The following SSUH2 variants were observed in gnomAD, a reference collection of about 807,000 sequenced individuals.
The protein encoded by SSUH2 is ssu-2 homolog.
A neutral mutation model predicts 55.3 loss-of-function variants in SSUH2; 47 were observed. That is an observed-to-expected ratio of 0.85 (90% CI 0.67 to 1.08). The LOEUF is 1.08. Ranked by LOEUF, SSUH2 falls within the 50% of genes least tolerant of loss-of-function variation. The pLI, the probability that SSUH2 is intolerant of heterozygous loss-of-function variation, is 0.00. For missense variants in SSUH2, 535 were observed against 490.7 expected, an observed-to-expected ratio of 1.09 and a Z score of -0.85; for synonymous variants, 212 against 191.5, an observed-to-expected ratio of 1.11 and a Z score of -0.89.
intron 7 of SSUH2, among the ~76,000 whole-genome samples, chr3:8,653,804 G>A (rs142507466): frequency 4.6e-5 from 7 of 152,208 alleles, no homozygotes; most frequent in East Asian, 1.9e-4. Flanking sequence ...AAATGTACCC[G>A]TGTGACCAAA....
chr3:8,663,536 C>A (rs768417632), intron 6 of SSUH2, among the ~76,000 whole-genome samples: 38 of 129,976 alleles, frequency 2.9e-4, no homozygotes, highest in African/African-American at 1.0e-3. Flanking sequence ...GGTTGGCAGT[C>A]GGGGTCAGGT....
At chr3:8,681,162 G>T (rs1373148963) in intron 1 of SSUH2, among the ~76,000 whole-genome samples, 1 of 133,582 alleles carries the variant, frequency 7.5e-6, no homozygotes, top group Non-Finnish European at 1.6e-5. Context: ...TTCCATAGCA[G>T]GGGGGGGAGT....
intron 5 of SSUH2, chr3:8,663,933 T>C (rs1703737415): frequency 4.6e-6 from 2 of 430,724 alleles, no homozygotes; most frequent in Non-Finnish European, 9.4e-6. Context: ...AAAAATATTT[T>C]CCTTGGTTAG....
chr3:8,650,881 G>A (rs1266958190), intron 7 of SSUH2, among the ~76,000 whole-genome samples: 6 of 152,216 alleles, frequency 3.9e-5, no homozygotes. Context: ...ACTAAAACCA[G>A]TTTCTGTGGT....
At chr3:8,630,140 A>T (rs1185630615) in intron 6 of SSUH2, among the ~76,000 whole-genome samples, 1 of 152,232 alleles carries the variant, frequency 6.6e-6, no homozygotes, top group Non-Finnish European at 1.5e-5. Context: ...TTTAATCACT[A>T]ATTTAAAATA....
Position 8,635,229 on chromosome 3 carries a change from G to T in SSUH2, c.209+71C>A, listed in dbSNP as rs1452853586. 5.3e-6 allele frequency: 7 copies of T among 1,330,582 alleles called. No individual in the cohort carries two copies. In the East Asian group the frequency reaches 1.3e-4, roughly 24 times the overall value. 82.4% of individuals were successfully genotyped at this position (1,330,582 alleles called of 1,614,324 possible). A position where few individuals can be genotyped will look rare whatever the true frequency, so the allele number is the denominator to read the frequency against. ...TCCAGGGATCCTGATGCACTGCCAGGGCTGAGATCCTCAAGGGGCAATAGT... is the reference window on the plus strand; with the variant it reads ...TCCAGGGATCCTGATGCACTGCCAGTGCTGAGATCCTCAAGGGGCAATAGT... On this transcript the variant is annotated intron_variant, in intron 3 of 11. Transcript: ENST00000544814.
In SSUH2 at chr3:8,637,005, G is replaced by C. The variant is rs151303062; in HGVS notation, c.29-1148C>G. Among the ~76,000 whole-genome samples the C allele has an allele frequency of 1.5e-3, 225 of 152,232 alleles. 4 individuals are homozygous for C. Among genetic ancestry groups the C allele is most frequent in the Middle Eastern group, 0.01 (3 of 294 alleles). The stretch of plus-strand genomic sequence containing the variant: ...GACAGTCCCCAACTTAGGATGTTTG[G>C]ACTTATTGATTTTTCTACTTTATGA... On this transcript the variant is annotated intron_variant, in intron 1 of 11. Coordinates refer to ENST00000544814, the MANE Select transcript of SSUH2 (RefSeq NM_001256748.3).
intron 1 of SSUH2, 140 bp from the exon 2 acceptor site, chr3:8,635,997 C>T (rs1699864665): frequency 1.5e-6 from 1 of 654,474 alleles, no homozygotes; most frequent in Non-Finnish European, 2.6e-6. Flanking sequence ...ATCCTTAGGA[C>T]ACAGAATACA....
At chr3:8,628,593 T>C (rs542733761) in intron 7 of SSUH2, among the ~76,000 whole-genome samples, 1 of 152,322 alleles carries the variant, frequency 6.6e-6, no homozygotes, top group East Asian at 1.9e-4. Flanking sequence ...CTAAATCCGA[T>C]GACGTGTTCT....
intron 7 of SSUH2, among the ~76,000 whole-genome samples, chr3:8,651,789 C>A (rs931923807): frequency 6.6e-6 from 1 of 152,248 alleles, no homozygotes; most frequent in East Asian, 1.9e-4. Context: ...GGATGTGTTC[C>A]CATGGCTCCA....
chr3:8,640,900 A>G (rs1700717999), intron 1 of SSUH2, among the ~76,000 whole-genome samples: 1 of 152,248 alleles, frequency 6.6e-6, no homozygotes, highest in Non-Finnish European at 1.5e-5. Context: ...GTTATTTGTC[A>G]ATATTTTTCA....
chr3:8,635,645 G>A (rs1211678881), intron 2 of SSUH2, 114 bp downstream of exon 2: 3 of 1,049,066 alleles, frequency 2.9e-6, no homozygotes, highest in East Asian at 2.6e-5. Context: ...GGCTTCCCAG[G>A]GCCCCCCCAG....
intron 6 of SSUH2, among the ~76,000 whole-genome samples, chr3:8,630,228 A>C (rs1698480091): frequency 6.6e-6 from 1 of 152,104 alleles, no homozygotes; most frequent in Non-Finnish European, 1.5e-5. Flanking sequence ...CTCTGTAAAA[A>C]CTCATAGAGC....
At chr3:8,667,914 T>C (rs1027437250) in intron 5 of SSUH2, among the ~76,000 whole-genome samples, 1 of 152,080 alleles carries the variant, frequency 6.6e-6, no homozygotes, top group South Asian at 2.1e-4. Context: ...CACCTGAGAA[T>C]CCCTTAGTAC....
At chr3:8,667,366 G>C (rs969644737) in intron 5 of SSUH2, among the ~76,000 whole-genome samples, 1 of 152,178 alleles carries the variant, frequency 6.6e-6, no homozygotes, top group Non-Finnish European at 1.5e-5. Flanking sequence ...ATTATAATTA[G>C]CGTATAATGA....
chr3:8,673,380 C>G (rs1704837843), intron 3 of SSUH2, among the ~76,000 whole-genome samples: 2 of 151,996 alleles, frequency 1.3e-5, no homozygotes, highest in South Asian at 4.2e-4. Context: ...TGCTCGTTTA[C>G]GATGCAAAAC....
chr3:8,630,825 G>C lies in SSUH2; in HGVS notation c.505C>G (p.Pro169Ala). ...FQEDTRKFQV[P>A]HSSLVKECHK... ...ATTACCTTGACCAGTGACGAGTGAG[G>C]GACCTGGAACTTCCTGGTGTCTTCC... is the stretch of plus-strand genomic sequence containing the variant. The change falls in exon 6 of 12, where the codon CCT becomes GCT. Residue 169 changes from proline to alanine, a missense_variant. Pro to Ala is a conservative substitution (Grantham distance 27). Transcript: ENST00000544814. 1 of 1,489,032 alleles carries C rather than the reference G, an allele frequency of 6.7e-7. No homozygotes were observed. The highest frequency in any genetic ancestry group is 8.9e-7 in the Non-Finnish European group (1 of 1,119,000). 92.2% of individuals were successfully genotyped at this position (1,489,032 alleles called of 1,614,324 possible).
At chr3:8,633,391 C>G (rs1253969341) in intron 4 of SSUH2, among the ~76,000 whole-genome samples, 3 of 113,032 alleles carry the variant, frequency 2.7e-5, no homozygotes, top group Non-Finnish European at 6.1e-5. Flanking sequence ...TGATCCTGAC[C>G]TCAGGTGATC....
intron 5 of SSUH2, among the ~76,000 whole-genome samples, chr3:8,670,326 T>G (rs1241688511): frequency 1.3e-5 from 2 of 152,022 alleles, no homozygotes; most frequent in African/African-American, 4.8e-5. Context: ...GAACACTCTG[T>G]GACATTCAAA....
Sources: allele counts gnomAD v4.1 joint callset (sites outside exome capture counted in the v4.1 genomes callset), GRCh38; gene constraint gnomAD v4.1.1; transcripts MANE v1.5; gene names NCBI Gene and HGNC (gene_info 2026-07-23, HGNC 2026-07-21).